The following NEGR1 variants were observed in gnomAD, a reference collection of about 807,000 sequenced individuals.
The protein encoded by NEGR1 is neuronal growth regulator 1.
In NEGR1, 10 loss-of-function variants were observed where a neutral mutation model predicts 40.9. The ratio of observed to expected loss-of-function variants is 0.24; its 90% confidence interval spans 0.15 to 0.42. The LOEUF is 0.42. NEGR1 is among the 10% of genes least tolerant of loss of function. The probability of loss-of-function intolerance (pLI) is 1.00; values close to 1 mark genes in which losing one functional copy is unlikely to be tolerated. For synonymous variants in NEGR1, 185 were observed against 166.8 expected, an observed-to-expected ratio of 1.11 and a Z score of -0.84; for missense variants, 352 against 438.9, an observed-to-expected ratio of 0.80 and a Z score of 1.77.
Position 71,525,842 on chromosome 1 carries a change from T to C in NEGR1, c.940+66975A>G, listed in dbSNP as rs1049095593. On this transcript the variant is annotated intron_variant, in intron 6 of 6. Transcript: ENST00000357731. ...TAATCATCAGTCATTTTAATACTTA[T>C]GCTATATAACAATCATTTGATTTAA... Among the ~76,000 whole-genome samples, 4 of 151,664 alleles carry C rather than the reference T, an allele frequency of 2.6e-5. No individual in the cohort carries two copies. In the East Asian group the frequency reaches 5.8e-4, roughly 22 times the overall value.
intron 4 of NEGR1, among the ~76,000 whole-genome samples, chr1:71,641,189 C>G (rs993867278): frequency 2.0e-5 from 3 of 152,116 alleles, no homozygotes; most frequent in African/African-American, 4.8e-5. Context: ...GCAGCTGTCA[C>G]AGCTTGACAG....
chr1:72,161,660 T>C, intron 1 of NEGR1, among the ~76,000 whole-genome samples: 1 of 146,882 alleles, frequency 6.8e-6, no homozygotes, highest in East Asian at 2.0e-4. Context: ...ATTATTTATT[T>C]TTTCTTTCTT....
intron 6 of NEGR1, among the ~76,000 whole-genome samples, chr1:71,501,110 G>T (rs1396716546): frequency 1.3e-5 from 2 of 151,950 alleles, no homozygotes; most frequent in Non-Finnish European, 1.5e-5. Context: ...ACCAAAGAAT[G>T]AATATCAGAT....
intron 1 of NEGR1, chr1:72,274,652 G>C: frequency 1.2e-6 from 1 of 866,646 alleles, no homozygotes. Context: ...GCAAGGCTAA[G>C]TGCTATTTAT....
At chr1:72,087,997 A>T (rs1225157083) in intron 1 of NEGR1, among the ~76,000 whole-genome samples, 1 of 152,154 alleles carries the variant, frequency 6.6e-6, no homozygotes, top group Non-Finnish European at 1.5e-5. Flanking sequence ...ATATTAGGGG[A>T]TTCTCAAACT....
chr1:72,148,259 A>G (rs1286531092), intron 1 of NEGR1, among the ~76,000 whole-genome samples: 2 of 152,128 alleles, frequency 1.3e-5, no homozygotes, highest in African/African-American at 2.4e-5. Context: ...CAAACCTCCA[A>G]TTCTTGACCT....
intron 1 of NEGR1, among the ~76,000 whole-genome samples, chr1:72,221,668 T>C (rs1211726033): frequency 6.6e-6 from 1 of 152,154 alleles, no homozygotes; most frequent in East Asian, 1.9e-4. Flanking sequence ...GCCTTAAACA[T>C]TAGTTGACTA....
chr1:72,277,399 T>TA (rs1224319170), intron 1 of NEGR1, among the ~76,000 whole-genome samples: 1 of 152,220 alleles, frequency 6.6e-6, no homozygotes, highest in East Asian at 1.9e-4. Flanking sequence ...AAAGTCTATC[T>TA]ATTTAAAACA....
At chr1:72,277,178 G>A (rs1191709838) in intron 1 of NEGR1, among the ~76,000 whole-genome samples, 2 of 152,146 alleles carry the variant, frequency 1.3e-5, no homozygotes, top group East Asian at 3.9e-4. Context: ...TACTTGGCAA[G>A]GAAGACTGGG....
intron 1 of NEGR1, among the ~76,000 whole-genome samples, chr1:71,982,157 C>CAAA (rs1380904324): frequency 6.6e-6 from 1 of 151,948 alleles, no homozygotes; most frequent in Non-Finnish European, 1.5e-5. Flanking sequence ...ACCTAATTTT[C>CAAA]AAAAAAGGAA....
chr1:71,413,023 A>G (rs1334357041), intron 6 of NEGR1, among the ~76,000 whole-genome samples: 6 of 47,518 alleles, frequency 1.3e-4, no homozygotes, highest in Non-Finnish European at 3.3e-4. Context: ...GACATTGTAT[A>G]TAATATATGG....
chr1:72,245,262 A>G (rs1654867293), intron 1 of NEGR1, among the ~76,000 whole-genome samples: 1 of 152,134 alleles, frequency 6.6e-6, no homozygotes. Flanking sequence ...TTAGCCCAAC[A>G]AAATGTAATT....
intron 6 of NEGR1, among the ~76,000 whole-genome samples, chr1:71,508,684 G>A (rs371092323): frequency 2.3e-4 from 35 of 152,172 alleles, no homozygotes; most frequent in Non-Finnish European, 4.1e-4. Context: ...TCACCCTGCC[G>A]CAGCTGAGAT....
intron 4 of NEGR1, among the ~76,000 whole-genome samples, chr1:71,665,703 T>C (rs1362061307): frequency 6.6e-6 from 1 of 152,210 alleles, no homozygotes; most frequent in African/African-American, 2.4e-5. Context: ...CACCAGTGTT[T>C]ATTCCTCTTT....
At chr1:71,642,313 G>T (rs1185970559) in intron 4 of NEGR1, among the ~76,000 whole-genome samples, 2 of 151,604 alleles carry the variant, frequency 1.3e-5, no homozygotes, top group Non-Finnish European at 2.9e-5. Flanking sequence ...AACTTATAAA[G>T]CTGATAATGT....
At chr1:71,835,603 T>A (rs1658999244) in intron 2 of NEGR1, among the ~76,000 whole-genome samples, 1 of 152,064 alleles carries the variant, frequency 6.6e-6, no homozygotes, top group Admixed American at 6.6e-5. Context: ...TTCCTGTCAG[T>A]CCCCCAACCT....
At chr1:71,803,234 TAC>T (rs1449313000) in intron 2 of NEGR1, among the ~76,000 whole-genome samples, 1 of 152,082 alleles carries the variant, frequency 6.6e-6, no homozygotes, top group Non-Finnish European at 1.5e-5. Flanking sequence ...TCTTTCTGCA[TAC>T]ACACCAAAAA....
intron 1 of NEGR1, among the ~76,000 whole-genome samples, chr1:72,087,905 G>T (rs1364176100): frequency 3.3e-5 from 5 of 151,894 alleles, no homozygotes; most frequent in Non-Finnish European, 7.4e-5. Context: ...GAGCATAACT[G>T]CATAATATGG....
chr1:71,956,920 A>C (rs529182239), intron 1 of NEGR1, among the ~76,000 whole-genome samples: 4 of 152,148 alleles, frequency 2.6e-5, no homozygotes, highest in African/African-American at 9.7e-5. Flanking sequence ...AGGGGTTTCC[A>C]TGAAACTACT....
Sources: gnomAD v4.1 joint callset for allele counts (sites outside exome capture counted in the v4.1 genomes callset) on GRCh38, gnomAD v4.1.1 for gene constraint, MANE v1.5 for transcripts, NCBI Gene and HGNC (gene_info 2026-07-23, HGNC 2026-07-21) for gene names.